The following PRKAR1B variants were observed in gnomAD, a reference collection of about 807,000 sequenced individuals.
PRKAR1B encodes cAMP-dependent protein kinase type I-beta regulatory subunit.
PRKAR1B carries 22 observed loss-of-function variants against 46.5 expected under a neutral mutation model. That is an observed-to-expected ratio of 0.47 (90% CI 0.34 to 0.68). The LOEUF (loss-of-function observed/expected upper bound fraction) is 0.68. Ranked by LOEUF, PRKAR1B falls within the 30% of genes least tolerant of loss-of-function variation. PRKAR1B has a pLI of 0.01. For missense variants in PRKAR1B, 445 were observed against 535.6 expected (o/e 0.83, Z 1.67); for synonymous variants, 259 against 217.7 (o/e 1.19, Z -1.67).
At chr7:559,171 A>C (rs939374341) in intron 9 of PRKAR1B, among the ~76,000 whole-genome samples, 1 of 152,214 alleles carries the variant, frequency 6.6e-6, no homozygotes, top group African/African-American at 2.4e-5. Flanking sequence ...CGGCACCCAG[A>C]GGGGAGGCAG....
At chr7:677,043 G>A (rs1057124099) in intron 4 of PRKAR1B, among the ~76,000 whole-genome samples, 186 bp downstream of exon 4, 12 of 151,488 alleles carry the variant, frequency 7.9e-5, no homozygotes, top group Admixed American at 2.0e-4. Flanking sequence ...GGCAAGCAAC[G>A]GGGCCTGCCC....
chr7:600,453 C>T (rs1317218272), intron 6 of PRKAR1B, among the ~76,000 whole-genome samples: 2 of 152,200 alleles, frequency 1.3e-5, no homozygotes, highest in African/African-American at 4.8e-5. Flanking sequence ...GATCACGCCA[C>T]CGCACTCCCA....
At chr7:573,251 G>A (rs1434802608) in intron 9 of PRKAR1B, among the ~76,000 whole-genome samples, 8 of 152,328 alleles carry the variant, frequency 5.3e-5, no homozygotes, top group East Asian at 1.9e-4. Context: ...CTATGAAAGC[G>A]ATACCTTCCC....
At chr7:693,968 G>A (rs151255985) in intron 2 of PRKAR1B, among the ~76,000 whole-genome samples, 48 of 152,326 alleles carry the variant, frequency 3.2e-4, no homozygotes, top group Non-Finnish European at 4.4e-4. Flanking sequence ...GGTTTGGGAT[G>A]TACTGCCTTT....
At chr7:595,389 T>A (rs1252224782) in intron 7 of PRKAR1B, among the ~76,000 whole-genome samples, 1 of 152,128 alleles carries the variant, frequency 6.6e-6, no homozygotes, top group Non-Finnish European at 1.5e-5. Flanking sequence ...TCCACAGGAA[T>A]CACCCTCTGG....
At chr7:608,597 G>C (rs542507991) in intron 4 of PRKAR1B, 8 of 151,554 alleles carry the variant, frequency 5.3e-5, no homozygotes, top group African/African-American at 1.9e-4. Flanking sequence ...CTGCAGGAGA[G>C]GTCAGTGTGT....
intron 9 of PRKAR1B, among the ~76,000 whole-genome samples, chr7:576,238 G>A (rs1445397371): frequency 6.6e-6 from 1 of 152,050 alleles, no homozygotes; most frequent in African/African-American, 2.4e-5. Context: ...TCTGCACACG[G>A]GCGGGTGTGC....
intron 4 of PRKAR1B, among the ~76,000 whole-genome samples, chr7:631,398 G>A (rs1022769862): frequency 4.6e-5 from 7 of 152,166 alleles, no homozygotes; most frequent in East Asian, 1.9e-4. Flanking sequence ...GGTGGTCGCC[G>A]GCCCAAAGCC....
At chr7:612,904 G>A (rs1782607502) in intron 4 of PRKAR1B, among the ~76,000 whole-genome samples, 1 of 152,160 alleles carries the variant, frequency 6.6e-6, no homozygotes, top group Admixed American at 6.5e-5. Context: ...AGCAACAGAG[G>A]CTTTATTAAA....
intron 4 of PRKAR1B, among the ~76,000 whole-genome samples, chr7:645,236 CAG>C (rs1784566725): frequency 6.6e-6 from 1 of 152,182 alleles, no homozygotes; most frequent in African/African-American, 2.4e-5. Context: ...CAGAAAGGAG[CAG>C]AGAGAGCCGA....
At chr7:726,841 G>C in intron 1 of PRKAR1B, 2 of 1,326,722 alleles carry the variant, frequency 1.5e-6, no homozygotes, top group Non-Finnish European at 1.9e-6. Flanking sequence ...GCTGGAGGCC[G>C]ACAGCAAGCC....
In PRKAR1B at chr7:677,258, G is replaced by A. The variant is rs768122368; in HGVS notation, c.411C>T (p.Leu137=). The A allele has an allele frequency of 5.6e-6, 9 of 1,614,150 alleles. No individual in the cohort carries two copies. Among genetic ancestry groups the A allele is most frequent in the Non-Finnish European group, 5.9e-6 (7 of 1,180,056 alleles). ...TCTCGTTGTCATCCAGGTGAGCGAA[G>A]AGCACGTTCTTGGAGATGGCCTTGG... The part of the protein sequence containing the change: ...ALAKAISKNV[L]FAHLDDNERS... The change falls in exon 4 of 11, where the codon CTC becomes CTT. Residue 137 remains leucine, a synonymous_variant. Coordinates refer to ENST00000537384, the MANE Select transcript of PRKAR1B (RefSeq NM_001164760.2).
At chr7:664,113 C>T (rs1174387635) in intron 4 of PRKAR1B, among the ~76,000 whole-genome samples, 3 of 152,204 alleles carry the variant, frequency 2.0e-5, no homozygotes, top group East Asian at 1.9e-4. Flanking sequence ...GCCCTCCCCA[C>T]GCAACCTTCC....
At chr7:634,616 G>A (rs979301274) in intron 4 of PRKAR1B, among the ~76,000 whole-genome samples, 34 of 151,862 alleles carry the variant, frequency 2.2e-4, no homozygotes, top group Admixed American at 5.3e-4. Context: ...CATTTAAGGC[G>A]TGGGGTCCTG....
chr7:640,801 CACACACAG>C (rs879567819), intron 4 of PRKAR1B, among the ~76,000 whole-genome samples: 2,775 of 131,476 alleles, frequency 0.021, 51 homozygotes, highest in African/African-American at 0.043. Flanking sequence ...CACACACACA[CACACACAG>C]ACACAAATGA....
At position 676,683 on chromosome 7, in the gene PRKAR1B, G is replaced by A. The variant is rs982007155; in HGVS notation, c.440+546C>T. On this transcript the variant is annotated intron_variant, in intron 4 of 10. Transcript: ENST00000537384. ...AGCCACCCCTGCGTGGTGAGCCCAC[G>A]TTTCCTGAGAGCTGTGACACGCTTC... 3.3e-5 allele frequency among the ~76,000 whole-genome samples: 5 copies of A among 152,360 alleles called. No individual in the cohort carries two copies. The South Asian group carries it at 8.3e-4, about 25-fold the overall frequency.
At chr7:676,203 T>G (rs1786572029) in intron 4 of PRKAR1B, among the ~76,000 whole-genome samples, 1 of 152,178 alleles carries the variant, frequency 6.6e-6, no homozygotes, top group Non-Finnish European at 1.5e-5. Context: ...GGAGACATTT[T>G]TGCTTTCAAT....
At chr7:583,473 A>G (rs1780358193) in intron 8 of PRKAR1B, among the ~76,000 whole-genome samples, 1 of 129,544 alleles carries the variant, frequency 7.7e-6, no homozygotes, top group Non-Finnish European at 1.7e-5. Flanking sequence ...ACGTGCACTC[A>G]CACCCACGCA....
intron 2 of PRKAR1B, among the ~76,000 whole-genome samples, chr7:708,144 G>T (rs190033557): frequency 1.4e-5 from 2 of 147,202 alleles, no homozygotes; most frequent in African/African-American, 2.5e-5. Context: ...ACCCAGAGCC[G>T]GGGGAGACAT....
Sources: gnomAD v4.1 joint callset for allele counts (sites outside exome capture counted in the v4.1 genomes callset) on GRCh38, gnomAD v4.1.1 for gene constraint, MANE v1.5 for transcripts, NCBI Gene and HGNC (gene_info 2026-07-23, HGNC 2026-07-21) for gene names.